Variants in DHX9 observed in about 807,000 individuals in gnomAD.
DHX9 encodes DExH-box helicase 9.
A neutral mutation model predicts 148.7 loss-of-function variants in DHX9; 27 were observed. The observed-to-expected ratio is 0.18, with a 90% confidence interval of 0.13 to 0.25. The LOEUF is 0.25. Ranked by LOEUF, DHX9 falls within the 10% of genes least tolerant of loss-of-function variation. DHX9 has a pLI of 1.00. For synonymous variants in DHX9, 529 were observed against 516.6 expected, an observed-to-expected ratio of 1.02 and a Z score of -0.33; for missense variants, 796 against 1,559.6, an observed-to-expected ratio of 0.51 and a Z score of 8.25.
At position 182,878,999 on chromosome 1, in the gene DHX9, G is replaced by T. The variant is rs367844454; in HGVS notation, c.2352-251G>T. The stretch of plus-strand genomic sequence containing the variant: ...GGAGCTAATAACATTCGCGATTTTG[G>T]ATAATTTTTTCATTTTTCTTCTCAG... On this transcript the variant is annotated intron_variant, in intron 20 of 27. Coordinates refer to ENST00000367549, the MANE Select transcript of DHX9 (RefSeq NM_001357.5). Among the ~76,000 whole-genome samples the T allele has an allele frequency of 5.3e-5, 8 of 152,216 alleles. No individual in the cohort carries two copies. In the East Asian group the frequency reaches 7.7e-4, roughly 15 times the overall value.
At chr1:182,883,410 G>T (rs1164634816) in intron 25 of DHX9, 42 bp downstream of exon 25, 14 of 1,591,274 alleles carry the variant, frequency 8.8e-6, no homozygotes, top group South Asian at 5.5e-5. Context: ...AGTTGAAATT[G>T]TCTTTACAAT....
At chr1:182,863,502 T>C (rs1210189147) in intron 12 of DHX9, among the ~76,000 whole-genome samples, 3 of 152,240 alleles carry the variant, frequency 2.0e-5, no homozygotes, top group African/African-American at 7.2e-5. Context: ...ATATTCCTTA[T>C]AATAGAAGTG....
chr1:182,851,260 G>A (rs1027705265), intron 3 of DHX9, among the ~76,000 whole-genome samples: 5 of 152,144 alleles, frequency 3.3e-5, no homozygotes, highest in African/African-American at 4.8e-5. Flanking sequence ...CAGAAGCAAA[G>A]TGGTAATGTG....
At chr1:182,856,413 G>T (rs1280265494) in intron 6 of DHX9, 119 bp from the exon 7 acceptor site, 1 of 749,858 alleles carries the variant, frequency 1.3e-6, no homozygotes, top group East Asian at 2.5e-5. Context: ...ATAAATGTTG[G>T]TAATTTTTTT....
At chr1:182,849,397 T>C (rs1023555465) in intron 3 of DHX9, among the ~76,000 whole-genome samples, 3 of 152,234 alleles carry the variant, frequency 2.0e-5, no homozygotes, top group African/African-American at 7.2e-5. Context: ...AACTAAAACA[T>C]AATTCTTTTT....
In DHX9 at chr1:182,883,224, C is replaced by T; in HGVS notation, c.3000C>T (p.Tyr1000=). Residue 1000 remains tyrosine (Y), a synonymous_variant, in exon 25 of 28, where the codon TAC becomes TAT. Coordinates refer to ENST00000367549, the MANE Select transcript of DHX9 (RefSeq NM_001357.5). ...VVISLLAFGV[Y]PNVCYHKEKR... is the part of the protein sequence containing the mutation. ...TCTCCCTCCTGGCCTTTGGTGTGTACCCCAATGTATGCTATCATAAGGAAA... is the reference window on the plus strand; with the variant it reads ...TCTCCCTCCTGGCCTTTGGTGTGTATCCCAATGTATGCTATCATAAGGAAA... 1 of 1,614,038 alleles carries T rather than the reference C, an allele frequency of 6.2e-7. No individual in the cohort carries two copies. Among genetic ancestry groups the T allele is most frequent in the Non-Finnish European group, 8.5e-7 (1 of 1,179,944 alleles).
intron 25 of DHX9, 59 bp from the exon 26 acceptor site, chr1:182,883,461 A>G (rs1256379181): frequency 1.9e-6 from 3 of 1,573,486 alleles, no homozygotes; most frequent in East Asian, 4.5e-5. Context: ...CACAGTATAT[A>G]GCGGTATTTG....
intron 3 of DHX9, among the ~76,000 whole-genome samples, chr1:182,845,453 C>G (rs1290794635): frequency 1.3e-5 from 2 of 151,138 alleles, no homozygotes; most frequent in African/African-American, 4.9e-5. Flanking sequence ...CAATTTTCCT[C>G]TTCTCTCATA....
intron 11 of DHX9, 85 bp downstream of exon 11, chr1:182,859,202 T>A: frequency 7.6e-7 from 1 of 1,309,040 alleles, no homozygotes. Context: ...CAGTACATTT[T>A]GCCCTTTTAA....
In DHX9 at chr1:182,877,018, A is replaced by G. The variant is rs1648832886; in HGVS notation, c.2198+115A>G. 28 of 663,504 alleles carry G rather than the reference A, an allele frequency of 4.2e-5. 1 individual carries two copies. In the South Asian group the frequency reaches 5.1e-4, roughly 12 times the overall value. The allele number at this position is 663,504 out of a possible 1,614,324, so 41.1% of individuals were successfully genotyped here. A position where few individuals can be genotyped will look rare whatever the true frequency, so the allele number is the denominator to read the frequency against. On this transcript the variant is annotated intron_variant, in intron 19 of 27. Transcript: ENST00000367549. ...AAACTCCTGTGTTCTTAAATCTCCA[A>G]AATTATTGTGCATCTATATAGCATT...
intron 19 of DHX9, 116 bp from the exon 20 acceptor site, chr1:182,877,905 A>G (rs1648888144): frequency 1.0e-5 from 12 of 1,162,720 alleles, no homozygotes; most frequent in Non-Finnish European, 1.3e-5. Context: ...ATGAATAGAC[A>G]TCACAAGTAG....
intron 14 of DHX9, among the ~76,000 whole-genome samples, chr1:182,868,898 C>T (rs1648420545): frequency 6.6e-6 from 1 of 152,110 alleles, no homozygotes; most frequent in African/African-American, 2.4e-5. Flanking sequence ...GACTATAAAT[C>T]ATGTAACTTT....
At chr1:182,879,939 T>C (rs1023709413) in intron 21 of DHX9, among the ~76,000 whole-genome samples, 2 of 152,064 alleles carry the variant, frequency 1.3e-5, no homozygotes, top group Admixed American at 1.3e-4. Context: ...GGCCAGGCTC[T>C]TCTGAAACTC....
intron 12 of DHX9, among the ~76,000 whole-genome samples, chr1:182,866,155 AC>A (rs988436514): frequency 2.6e-5 from 4 of 152,236 alleles, no homozygotes; most frequent in African/African-American, 9.6e-5. Context: ...GGTTACAAAA[AC>A]AAACCCCCCT....
chr1:182,859,018 A>C, intron 10 of DHX9, 22 bp from the exon 11 acceptor site: 2 of 1,613,132 alleles, frequency 1.2e-6, no homozygotes, highest in Non-Finnish European at 1.7e-6. Context: ...TTGTTTGACT[A>C]TGTTGGCTTT....
intron 15 of DHX9, among the ~76,000 whole-genome samples, chr1:182,873,565 C>G (rs1418756467): frequency 1.3e-5 from 2 of 152,084 alleles, no homozygotes; most frequent in African/African-American, 4.8e-5. Flanking sequence ...AGTGGGATTG[C>G]TAGAACAAAC....
chr1:182,878,995 T>C (rs1203254258), intron 20 of DHX9, among the ~76,000 whole-genome samples: 1 of 152,222 alleles, frequency 6.6e-6, no homozygotes, highest in Non-Finnish European at 1.5e-5. Context: ...CATTCGCGAT[T>C]TTGGATAATT....
intron 14 of DHX9, among the ~76,000 whole-genome samples, chr1:182,869,379 G>A (rs1648448549): frequency 6.6e-6 from 1 of 152,170 alleles, no homozygotes; most frequent in Non-Finnish European, 1.5e-5. Flanking sequence ...GTCCGGATAG[G>A]TCTTGTCCTA....
At chr1:182,850,427 C>T (rs1446670936) in intron 3 of DHX9, among the ~76,000 whole-genome samples, 1 of 151,874 alleles carries the variant, frequency 6.6e-6, no homozygotes, top group Non-Finnish European at 1.5e-5. Flanking sequence ...CCCATCTCTA[C>T]AAAAATAAAA....
Sources: allele counts gnomAD v4.1 joint callset (sites outside exome capture counted in the v4.1 genomes callset), GRCh38; gene constraint gnomAD v4.1.1; transcripts MANE v1.5; gene names NCBI Gene and HGNC (gene_info 2026-07-23, HGNC 2026-07-21).